PRKN: variants seen among roughly 807,000 people sequenced by gnomAD.
The protein encoded by PRKN is parkin RBR E3 ubiquitin protein ligase.
In PRKN, 56 loss-of-function variants were observed where a neutral mutation model predicts 59.5. The observed-to-expected ratio is 0.94, with a 90% CI of 0.76 to 1.18. The LOEUF is 1.18. Among genes scored for constraint, PRKN ranks in the 50% most tolerant of loss-of-function variants. The pLI is 0.00. For missense variants in PRKN, 657 were observed against 596.4 expected, an observed-to-expected ratio of 1.10 and a Z score of -1.06; for synonymous variants, 250 against 222.1, an observed-to-expected ratio of 1.13 and a Z score of -1.12.
intron 1 of PRKN, among the ~76,000 whole-genome samples, chr6:162,475,297 A>G (rs921333666): frequency 6.6e-6 from 1 of 152,236 alleles, no homozygotes; most frequent in Non-Finnish European, 1.5e-5. Flanking sequence ...GGGTATAAGG[A>G]CATCTAAGAA....
At chr6:161,927,498 G>C (rs577216214) in intron 6 of PRKN, among the ~76,000 whole-genome samples, 1 of 152,260 alleles carries the variant, frequency 6.6e-6, no homozygotes, top group South Asian at 2.1e-4. Flanking sequence ...GATGATAATA[G>C]AGTCCACTTT....
At chr6:161,832,138 T>A (rs1185123114) in intron 6 of PRKN, among the ~76,000 whole-genome samples, 1 of 152,224 alleles carries the variant, frequency 6.6e-6, no homozygotes, top group Non-Finnish European at 1.5e-5. Context: ...CACTTTTCAA[T>A]TAGCAACCAT....
chr6:162,565,733 C>A (rs1780045731), intron 1 of PRKN, among the ~76,000 whole-genome samples: 1 of 131,510 alleles, frequency 7.6e-6, no homozygotes, highest in Non-Finnish European at 1.6e-5. Flanking sequence ...TACATACATA[C>A]ATACATATAA....
chr6:161,602,470 T>C (rs1782143039), intron 7 of PRKN, among the ~76,000 whole-genome samples: 1 of 152,252 alleles, frequency 6.6e-6, no homozygotes, highest in Non-Finnish European at 1.5e-5. Context: ...CATTTGGACT[T>C]ACTTCTGTTT....
At chr6:162,288,282 C>A (rs1254584991) in intron 2 of PRKN, among the ~76,000 whole-genome samples, 2 of 152,094 alleles carry the variant, frequency 1.3e-5, no homozygotes, top group African/African-American at 4.8e-5. Flanking sequence ...AGGCAGCGGT[C>A]TAAGGTAGCT....
At chr6:161,653,255 T>C (rs544995672) in intron 7 of PRKN, among the ~76,000 whole-genome samples, 1 of 152,188 alleles carries the variant, frequency 6.6e-6, no homozygotes, top group South Asian at 2.1e-4. Flanking sequence ...TCCCAGCTAC[T>C]CAGCAGGCTG....
intron 4 of PRKN, among the ~76,000 whole-genome samples, chr6:162,076,931 A>G (rs1778853685): frequency 6.6e-6 from 1 of 152,068 alleles, no homozygotes. Context: ...CTTCCCCCAC[A>G]TGCCTGTCAT....
In PRKN at chr6:161,526,797, AATAC is replaced by A. The variant is rs1294335497; in HGVS notation, c.1083+22053_1083+22056del. On this transcript the variant is annotated intron_variant, in intron 9 of 11. Transcript: ENST00000366898. The surrounding 1 kb of genome is among the most constrained non-coding windows in gnomAD (Gnocchi z 4.1). ...GACAGTAGACAGATCAACACGATAA[AATAC>A]ATACAAATTTATTACATACATATGC... Among the ~76,000 whole-genome samples the A allele has an allele frequency of 6.6e-6, 1 of 152,106 alleles. No individual in the cohort carries two copies. The highest frequency in any genetic ancestry group is 1.5e-5 in the Non-Finnish European group (1 of 68,016).
chr6:162,668,398 C>G (rs906942080), intron 1 of PRKN, among the ~76,000 whole-genome samples: 14 of 152,112 alleles, frequency 9.2e-5, no homozygotes, highest in Non-Finnish European at 1.0e-4. Context: ...CATGTCACCT[C>G]AGGAGTTAAT....
At chr6:162,213,741 A>G (rs1230585370) in intron 3 of PRKN, among the ~76,000 whole-genome samples, 2 of 151,838 alleles carry the variant, frequency 1.3e-5, no homozygotes, top group African/African-American at 2.4e-5. Context: ...CCTTAAAAAA[A>G]TAAAAAAAAT....
Position 161,526,547 on chromosome 6 carries a change from T to A in PRKN, c.1083+22307A>T, listed in dbSNP as rs1230659519. ...TTAGAAGCTCTGCTAACATCTTAAA[T>A]AAAATAGAAATATTAAAATATATAT... On this transcript the variant is annotated intron_variant, in intron 9 of 11. Transcript: ENST00000366898. The surrounding 1 kb of genome is among the most constrained non-coding windows in gnomAD (Gnocchi z 4.1). Among the ~76,000 whole-genome samples the A allele has an allele frequency of 6.7e-6, 1 of 149,924 alleles. No homozygotes were observed. The highest frequency in any genetic ancestry group is 1.5e-5 in the Non-Finnish European group (1 of 67,552).
intron 6 of PRKN, among the ~76,000 whole-genome samples, chr6:161,895,605 CACGCCCACCCCACCTG>C (rs2128233327): frequency 8.3e-6 from 1 of 120,458 alleles, no homozygotes. Context: ...GATTCAGGAG[CACGCCCACCCCACCTG>C]CTGTTATGCT....
At chr6:161,868,052 C>G (rs9355943) in intron 6 of PRKN, among the ~76,000 whole-genome samples, 4 of 151,216 alleles carry the variant, frequency 2.6e-5, no homozygotes, top group African/African-American at 7.3e-5. Flanking sequence ...TGAGCCATTG[C>G]GCCTGGCCAA....
chr6:162,674,844 G>A (rs532850977), intron 1 of PRKN, among the ~76,000 whole-genome samples: 3 of 152,188 alleles, frequency 2.0e-5, no homozygotes, highest in African/African-American at 7.2e-5. Flanking sequence ...CAAGACAGTC[G>A]AGTTGGAAAG....
intron 2 of PRKN, chr6:162,265,284 C>T (rs879404075): frequency 3.3e-5 from 5 of 152,162 alleles, no homozygotes; most frequent in African/African-American, 1.2e-4. Context: ...ATCATGCTCC[C>T]CACTTCCTCC....
intron 4 of PRKN, among the ~76,000 whole-genome samples, chr6:162,078,957 C>CA (rs1778948159): frequency 6.6e-6 from 1 of 152,046 alleles, no homozygotes. Flanking sequence ...TGTCTTCACA[C>CA]AAAATCACAA....
intron 2 of PRKN, among the ~76,000 whole-genome samples, chr6:162,375,484 G>C (rs1367868961): frequency 6.6e-6 from 1 of 150,960 alleles, no homozygotes; most frequent in African/African-American, 2.4e-5. Flanking sequence ...ATGTGTCATA[G>C]ACTGCATGGA....
chr6:161,874,476 G>A (rs191179802), intron 6 of PRKN, among the ~76,000 whole-genome samples: 170 of 89,160 alleles, frequency 1.9e-3, no homozygotes, highest in African/African-American at 9.6e-3. Context: ...TATATTATAT[G>A]TAAAATATAT....
chr6:162,588,340 C>A (rs1476414541), intron 1 of PRKN, among the ~76,000 whole-genome samples: 2 of 151,224 alleles, frequency 1.3e-5, no homozygotes, highest in African/African-American at 4.9e-5. Context: ...GTGAGAAAGG[C>A]CAAATTTCAG....
Sources: allele counts gnomAD v4.1 joint callset (sites outside exome capture counted in the v4.1 genomes callset), GRCh38; gene constraint gnomAD v4.1.1; non-coding constraint Gnocchi (gnomAD v3.1); transcripts MANE v1.5; gene names NCBI Gene and HGNC (gene_info 2026-07-23, HGNC 2026-07-21).